The following DCHS2 variants were observed in gnomAD, a reference collection of about 807,000 sequenced individuals.
DCHS2 encodes the protein dachsous cadherin-related 2.
In DCHS2, 142 loss-of-function variants were observed where a neutral mutation model predicts 182.4. The ratio of observed to expected loss-of-function variants is 0.78; its 90% CI spans 0.68 to 0.89. The LOEUF (loss-of-function observed/expected upper bound fraction) is 0.89. Among genes scored for constraint, DCHS2 ranks in the 40% least tolerant of loss-of-function variants. The pLI is 0.00. For synonymous variants in DCHS2, 1,740 were observed against 1,663.3 expected (o/e 1.05, Z -1.12); for missense variants, 4,319 against 4,198.6 (o/e 1.03, Z -0.79).
intron 3 of DCHS2, among the ~76,000 whole-genome samples, chr4:154,345,329 C>T (rs952306287): frequency 6.6e-6 from 1 of 152,214 alleles, no homozygotes; most frequent in Non-Finnish European, 1.5e-5. Context: ...GCTGTCTATA[C>T]TAAATTATTT....
chr4:154,402,836 T>C (rs2110875352), intron 1 of DCHS2, among the ~76,000 whole-genome samples: 3 of 152,334 alleles, frequency 2.0e-5, no homozygotes, highest in Admixed American at 2.0e-4. Flanking sequence ...TCTCCATTTA[T>C]TTAGATCTCC....
chr4:154,295,474 A>G (rs1270051002), intron 13 of DCHS2, among the ~76,000 whole-genome samples: 1 of 152,186 alleles, frequency 6.6e-6, no homozygotes, highest in African/African-American at 2.4e-5. Context: ...CGAGAATAAC[A>G]CTGTGTTTAT....
At position 154,418,610 on chromosome 4, in the gene DCHS2, C is replaced by T. The variant is rs555460166; in HGVS notation, c.2053-41166G>A. 5.5e-3 allele frequency among the ~76,000 whole-genome samples: 843 copies of T among 152,230 alleles called. 3 individuals are homozygous for T. The highest frequency in any genetic ancestry group is 7.9e-3 in the Non-Finnish European group (538 of 68,004). On this transcript the variant is annotated intron_variant, in intron 1 of 19. Coordinates refer to ENST00000357232, the MANE Select transcript of DCHS2 (RefSeq NM_001358235.2). The stretch of plus-strand genomic sequence containing the variant: ...TTGACACAAAATGCCAGTTGTTCTC[C>T]CCTTTTAGATCCATGCACTCTTTTT...
At chr4:154,261,613 T>TTGTTCTA (rs1468556544) in intron 14 of DCHS2, 33 of 152,300 alleles carry the variant, frequency 2.2e-4, no homozygotes, top group African/African-American at 7.9e-4. Flanking sequence ...GTGGGAGGCA[T>TTGTTCTA]ATCCTGTTCA....
intron 1 of DCHS2, among the ~76,000 whole-genome samples, chr4:154,409,966 C>A (rs1477611966): frequency 6.6e-6 from 1 of 152,094 alleles, no homozygotes. Flanking sequence ...TACTTGGAAC[C>A]AAAGTCATCA....
chr4:154,291,175 G>A (rs1230459046), intron 13 of DCHS2, among the ~76,000 whole-genome samples: 1 of 151,830 alleles, frequency 6.6e-6, no homozygotes, highest in Non-Finnish European at 1.5e-5. Context: ...TGGCAAACAG[G>A]TATAAGAAAA....
At chr4:154,421,556 G>A (rs932338646) in intron 1 of DCHS2, among the ~76,000 whole-genome samples, 1 of 152,018 alleles carries the variant, frequency 6.6e-6, no homozygotes, top group Non-Finnish European at 1.5e-5. Context: ...CACCATGTCT[G>A]GCTAATTTTT....
intron 7 of DCHS2, among the ~76,000 whole-genome samples, chr4:154,324,711 T>G (rs1255656178): frequency 6.6e-6 from 1 of 152,154 alleles, no homozygotes; most frequent in Admixed American, 6.5e-5. Flanking sequence ...CCAAATACCT[T>G]ATCAGTTTTT....
chr4:154,355,155 A>T (rs964531360), intron 3 of DCHS2, among the ~76,000 whole-genome samples: 1 of 152,084 alleles, frequency 6.6e-6, no homozygotes, highest in Admixed American at 6.5e-5. Context: ...TAGTCACAAG[A>T]TGAGATAGGA....
chr4:154,313,464 T>G (rs987417504), intron 10 of DCHS2, among the ~76,000 whole-genome samples: 1 of 152,132 alleles, frequency 6.6e-6, no homozygotes, highest in African/African-American at 2.4e-5. Context: ...AAAACACATG[T>G]TAAGCTCTCT....
intron 1 of DCHS2, among the ~76,000 whole-genome samples, chr4:154,480,641 T>C (rs1735884438): frequency 6.6e-6 from 1 of 152,234 alleles, no homozygotes; most frequent in Non-Finnish European, 1.5e-5. Context: ...TACAAATTAC[T>C]GTAGTCATTT....
chr4:154,309,709 A>G (rs893995404), intron 10 of DCHS2, among the ~76,000 whole-genome samples: 8 of 152,220 alleles, frequency 5.3e-5, no homozygotes, highest in African/African-American at 1.9e-4. Flanking sequence ...CTTTGAATGC[A>G]GCTATGAGTT....
chr4:154,472,831 T>A (rs150958408), intron 1 of DCHS2, among the ~76,000 whole-genome samples: 380 of 151,920 alleles, frequency 2.5e-3, no homozygotes, highest in African/African-American at 8.9e-3. Context: ...CACACACATA[T>A]CACATCACAC....
At chr4:154,418,839 T>C (rs1259260903) in intron 1 of DCHS2, among the ~76,000 whole-genome samples, 1 of 152,220 alleles carries the variant, frequency 6.6e-6, no homozygotes, top group African/African-American at 2.4e-5. Flanking sequence ...ATGAGTAAGT[T>C]TGGAGTTATG....
intron 16 of DCHS2, among the ~76,000 whole-genome samples, chr4:154,249,860 A>G (rs1419298464): frequency 6.6e-6 from 1 of 151,982 alleles, no homozygotes; most frequent in Non-Finnish European, 1.5e-5. Context: ...GCATGGACAT[A>G]AACATGGGAA....
Position 154,321,183 on chromosome 4 carries a change from T to A in DCHS2, c.4216A>T (p.Asn1406Tyr). Residue 1406 changes from asparagine (N) to tyrosine (Y), a missense_variant, in exon 9 of 20, where the codon AAT becomes TAT. By Grantham distance (143) the Asn-to-Tyr change is moderately radical. Transcript: ENST00000357232. ...TCTGGTATAATTAAATGTCTAATAT[T>A]CTGAGACATGATTGCTCTCCCTTTG... ...LSKGRAIMSQ[N>Y]IRHLIIPENL... 1 of 1,571,392 alleles carries A rather than the reference T, an allele frequency of 6.4e-7. No homozygotes were observed. The highest frequency in any genetic ancestry group is 8.6e-7 in the Non-Finnish European group (1 of 1,156,200).
At chr4:154,441,404 A>G (rs1468379982) in intron 1 of DCHS2, among the ~76,000 whole-genome samples, 2 of 152,294 alleles carry the variant, frequency 1.3e-5, no homozygotes, top group East Asian at 3.9e-4. Context: ...TTTTTCCCCA[A>G]CCTTCTTAAA....
chr4:154,359,324 G>GAT (rs942491565), intron 3 of DCHS2, among the ~76,000 whole-genome samples: 5 of 151,820 alleles, frequency 3.3e-5, no homozygotes, highest in Admixed American at 6.6e-5. Flanking sequence ...TGAACTTAAA[G>GAT]ATATATATAT....
At chr4:154,337,397 C>T (rs912877493) in intron 3 of DCHS2, among the ~76,000 whole-genome samples, 8 of 152,164 alleles carry the variant, frequency 5.3e-5, no homozygotes, top group Non-Finnish European at 1.0e-4. Context: ...TCCTGCATCC[C>T]GACTGACTCC....
Sources: allele counts gnomAD v4.1 joint callset (sites outside exome capture counted in the v4.1 genomes callset), GRCh38; gene constraint gnomAD v4.1.1; transcripts MANE v1.5; gene names NCBI Gene and HGNC (gene_info 2026-07-23, HGNC 2026-07-21).